Variants in FCGR3A observed in about 807,000 individuals in gnomAD.
The protein encoded by FCGR3A is Fc gamma receptor IIIa, also known as low affinity immunoglobulin gamma Fc region receptor III-A.
In FCGR3A, 13 loss-of-function variants were observed where a neutral mutation model predicts 24.1. That is an observed-to-expected ratio of 0.54 (90% CI 0.35 to 0.86). The LOEUF is 0.86. Ranked by LOEUF, FCGR3A falls within the 40% of genes least tolerant of loss-of-function variation. FCGR3A has a pLI of 0.01. For missense variants in FCGR3A, 235 were observed against 298.0 expected (o/e 0.79, Z 1.56); for synonymous variants, 93 against 112.2 (o/e 0.83, Z 1.08).
chr1:161,548,212 C>T (rs1452768646), intron 3 of FCGR3A, among the ~76,000 whole-genome samples: 1 of 152,306 alleles, frequency 6.6e-6, no homozygotes, highest in Non-Finnish European at 1.5e-5. Flanking sequence ...ATGCAGCAGT[C>T]CTATATCTAC....
At chr1:161,547,915 C>T (rs534432408) in intron 3 of FCGR3A, among the ~76,000 whole-genome samples, 4 of 152,280 alleles carry the variant, frequency 2.6e-5, no homozygotes, top group Non-Finnish European at 4.4e-5. Context: ...ACTAAAAATA[C>T]AAAAATTAGC....
Position 161,548,592 on chromosome 1 carries a change from C to G in FCGR3A, c.148G>C (p.Ala50Pro), listed in dbSNP as rs145700363. 6 of 1,613,870 alleles carry G rather than the reference C, an allele frequency of 3.7e-6. No homozygotes were observed. The highest frequency in any genetic ancestry group is 5.1e-6 in the Non-Finnish European group (6 of 1,179,872). The change falls in exon 3 of 5, where the codon GCC becomes CCC. Residue 50 changes from alanine to proline, a missense_variant. Coordinates refer to ENST00000443193, the MANE Select transcript of FCGR3A (RefSeq NM_000569.8). ...GTGGAATTGTCCTCAGGGGAGTAGG[C>G]TCCCTGGCACTTCAGAGTCACACTG... Reference protein sequence around the residue: ...KDSVTLKCQGAYSPEDNSTQW... With the variant: ...KDSVTLKCQGPYSPEDNSTQW...
Position 161,543,028 on chromosome 1 carries a change from T to A in FCGR3A, c.749A>T (p.Asp250Val), listed in dbSNP as rs759815530. 59 of 1,611,826 alleles carry A rather than the reference T, an allele frequency of 3.7e-5. 3 individuals are homozygous for A. The highest frequency in any genetic ancestry group is 4.8e-5 in the Non-Finnish European group (56 of 1,178,894). The change falls in exon 5 of 5, where the codon GAC (aspartate) becomes GTC (valine). Residue 250 changes from aspartate to valine, a missense_variant. Coordinates refer to ENST00000443193, the MANE Select transcript of FCGR3A (RefSeq NM_000569.8). ...WKDHKFKWRK[D>V]PQDK ...GGATGGGGGTCATTTGTCTTGAGGG[T>A]CCTTTCTCCATTTAAATTTATGGTC...
At chr1:161,547,822 C>T (rs555078195) in intron 3 of FCGR3A, among the ~76,000 whole-genome samples, 6 of 152,412 alleles carry the variant, frequency 3.9e-5, no homozygotes, top group Admixed American at 2.6e-4. Context: ...GTAGTCCCAG[C>T]ACTTTGGGAA....
Position 161,549,754 on chromosome 1 carries a change from G to T in FCGR3A, c.-18C>A, listed in dbSNP as rs773938576. ...TGCCACATGATGCCACACTGGAGTG[G>T]ACAAGTCACCAAAGATATCCGGAGC... is the stretch of plus-strand genomic sequence containing the variant. On this transcript the variant is annotated 5_prime_UTR_variant, in exon 1 of 5. Transcript: ENST00000443193. 6 of 1,613,914 alleles carry T rather than the reference G, an allele frequency of 3.7e-6. No homozygotes were observed. The highest frequency in any genetic ancestry group is 5.1e-6 in the Non-Finnish European group (6 of 1,179,918).
intron 3 of FCGR3A, among the ~76,000 whole-genome samples, chr1:161,546,795 C>G (rs533259327): frequency 8.6e-5 from 13 of 152,032 alleles, no homozygotes; most frequent in South Asian, 4.2e-4. Flanking sequence ...GTCCCAGCTA[C>G]TTGGGAGGCT....
chr1:161,547,889 G>A (rs1470213937), intron 3 of FCGR3A, among the ~76,000 whole-genome samples: 1 of 152,298 alleles, frequency 6.6e-6, no homozygotes, highest in Admixed American at 6.5e-5. Flanking sequence ...GACCAACATG[G>A]TGAAACCCTG....
At chr1:161,550,290 C>T (rs1453678222), upstream of FCGR3A, among the ~76,000 whole-genome samples, 1 of 152,230 alleles carries the variant, frequency 6.6e-6, no homozygotes, top group African/African-American at 2.4e-5. Context: ...GTCTCTGCCT[C>T]AATATTATCT....
At chr1:161,546,926 CACAA>C (rs961756989) in intron 3 of FCGR3A, among the ~76,000 whole-genome samples, 8 of 151,756 alleles carry the variant, frequency 5.3e-5, no homozygotes, top group South Asian at 2.1e-4. Flanking sequence ...CAAAAACAAA[CACAA>C]ACAAACAAAC....
chr1:161,548,029 G>T (rs145862532), intron 3 of FCGR3A, among the ~76,000 whole-genome samples: 1 of 152,228 alleles, frequency 6.6e-6, no homozygotes, highest in African/African-American at 2.4e-5. Flanking sequence ...TGAGATTGCC[G>T]CATTGCACTC....
chr1:161,544,144 T>C (rs1399742687), intron 4 of FCGR3A, among the ~76,000 whole-genome samples: 2 of 152,008 alleles, frequency 1.3e-5, no homozygotes, highest in Non-Finnish European at 2.9e-5. Context: ...ATGTAAAGAA[T>C]TGTTTAGCAC....
intron 3 of FCGR3A, among the ~76,000 whole-genome samples, chr1:161,547,450 T>C (rs1166595478): frequency 6.6e-6 from 1 of 152,128 alleles, no homozygotes; most frequent in Non-Finnish European, 1.5e-5. Flanking sequence ...CCAGCCTATG[T>C]GGTAAGATTG....
rs1677664680 is a variant in FCGR3A, at chr1:161,549,818, C to T, written c.-82G>A. ...AACCGACTAGACAGGAGGAAGTAAA[C>T]AGCCTTTCCCCAGCCCCTCCACCCA... On this transcript the variant is annotated 5_prime_UTR_variant, in exon 1 of 5. Coordinates refer to ENST00000443193, the MANE Select transcript of FCGR3A (RefSeq NM_000569.8). 5 of 1,613,792 alleles carry T rather than the reference C, an allele frequency of 3.1e-6. No homozygotes were observed. Among genetic ancestry groups the T allele is most frequent in the Non-Finnish European group, 3.4e-6 (4 of 1,179,866 alleles).
At chr1:161,547,506 C>T (rs548804360) in intron 3 of FCGR3A, among the ~76,000 whole-genome samples, 2 of 152,192 alleles carry the variant, frequency 1.3e-5, no homozygotes, top group South Asian at 2.1e-4. Flanking sequence ...TTTCTCCTAC[C>T]TGTGTCTGAC....
At position 161,549,749 on chromosome 1, in the gene FCGR3A, G is replaced by T; in HGVS notation, c.-13C>A. ...GCAGCTGCCACATGATGCCACACTG[G>T]AGTGGACAAGTCACCAAAGATATCC... On this transcript the variant is annotated 5_prime_UTR_variant, in exon 1 of 5. Coordinates refer to ENST00000443193, the MANE Select transcript of FCGR3A (RefSeq NM_000569.8). 6.2e-7 allele frequency: 1 copy of T among 1,613,910 alleles called. No individual in the cohort carries two copies. The highest frequency in any genetic ancestry group is 8.5e-7 in the Non-Finnish European group (1 of 1,179,910).
At chr1:161,545,830 A>C (rs747918846) in intron 3 of FCGR3A, 2 of 152,088 alleles carry the variant, frequency 1.3e-5, no homozygotes, top group Non-Finnish European at 2.9e-5. Context: ...TGGCATAAGA[A>C]AATATTCATG....
At chr1:161,545,673 C>T (rs1208939802) in intron 3 of FCGR3A, 1 of 151,838 alleles carries the variant, frequency 6.6e-6, no homozygotes, top group Non-Finnish European at 1.5e-5. Context: ...GCATGGCCTT[C>T]AAGAGAGGAA....
chr1:161,546,900 G>C (rs558079635), intron 3 of FCGR3A, among the ~76,000 whole-genome samples: 1 of 152,014 alleles, frequency 6.6e-6, no homozygotes, highest in African/African-American at 2.4e-5. Context: ...GAGAGACTCT[G>C]TCTCAAAAAC....
chr1:161,548,647 C>A lies in FCGR3A; in HGVS notation c.93G>T (p.Glu31Asp), dbSNP rs10127857. The A allele has an allele frequency of 1.2e-6, 2 of 1,613,896 alleles. No homozygotes were observed. The highest frequency in any genetic ancestry group is 8.5e-7 in the Non-Finnish European group (1 of 1,179,816). The stretch of plus-strand genomic sequence containing the variant: ...TCTCGAGCACCCTGTACCATTGAGG[C>A]TCCAGGAACACCACAGCCTTTGGGA... ...EDLPKAVVFL[E>D]PQWYRVLEKD... The change falls in exon 3 of 5, where the codon GAG (glutamate) becomes GAT (aspartate). Residue 31 changes from glutamate to aspartate, a missense_variant. By Grantham distance (45) the Glu-to-Asp change is conservative (BLOSUM62 2). Transcript: ENST00000443193.
Sources: gnomAD v4.1 joint callset for allele counts (sites outside exome capture counted in the v4.1 genomes callset) on GRCh38, gnomAD v4.1.1 for gene constraint, MANE v1.5 for transcripts, NCBI Gene and HGNC (gene_info 2026-07-23, HGNC 2026-07-21) for gene names.